TACC1: variants seen among roughly 807,000 people sequenced by gnomAD.
The protein encoded by TACC1 is transforming acidic coiled-coil containing protein 1.
TACC1 carries 48 observed loss-of-function variants against 84.4 expected under a neutral mutation model. The observed-to-expected ratio is 0.57, with a 90% CI of 0.45 to 0.72. The LOEUF is 0.72. Among genes scored for constraint, TACC1 ranks in the 30% least tolerant of loss-of-function variants. The probability of loss-of-function intolerance (pLI) is 0.00; values close to 1 mark genes in which losing one functional copy is unlikely to be tolerated. For synonymous variants in TACC1, 372 were observed against 376.3 expected (o/e 0.99, Z 0.13); for missense variants, 920 against 973.0 (o/e 0.95, Z 0.72).
chr8:38,780,981 T>A (rs1815830515), intron 3 of TACC1, among the ~76,000 whole-genome samples: 1 of 152,152 alleles, frequency 6.6e-6, no homozygotes, highest in African/African-American at 2.4e-5. Flanking sequence ...GTAATGAAAT[T>A]CCCCCAAATC....
intron 6 of TACC1, among the ~76,000 whole-genome samples, chr8:38,832,293 T>C (rs1829420740): frequency 6.6e-6 from 1 of 152,196 alleles, no homozygotes. Context: ...TAGAATACAC[T>C]GGTGTGGTGT....
intron 3 of TACC1, among the ~76,000 whole-genome samples, chr8:38,774,571 C>T (rs1814407537): frequency 6.6e-6 from 1 of 152,206 alleles, no homozygotes; most frequent in East Asian, 1.9e-4. Flanking sequence ...CAGCTCACTG[C>T]AACCTTGAAT....
At chr8:38,842,524 A>G in intron 10 of TACC1, 77 bp downstream of exon 10, 2 of 1,446,654 alleles carry the variant, frequency 1.4e-6, no homozygotes, top group Non-Finnish European at 1.9e-6. Context: ...TCAAATACAT[A>G]TGCCAGAGGT....
At chr8:38,802,884 G>T (rs1400847898) in intron 2 of TACC1, among the ~76,000 whole-genome samples, 1 of 152,108 alleles carries the variant, frequency 6.6e-6, no homozygotes, top group Non-Finnish European at 1.5e-5. Context: ...GTTCATGAGG[G>T]ATCCACCCCC....
At chr8:38,794,625 G>C (rs1819556266) in intron 2 of TACC1, among the ~76,000 whole-genome samples, 1 of 151,926 alleles carries the variant, frequency 6.6e-6, no homozygotes, top group Non-Finnish European at 1.5e-5. Context: ...AAAATCAGAG[G>C]CTTTGATTTT....
At position 38,819,621 on chromosome 8, in the gene TACC1, C is replaced by T; in HGVS notation, c.377C>T (p.Ala126Val). ...TCAGAAAATGAAGTGCCACAGCAGGCCATTGACTCTCACTCAGTCAAGAAT... is the reference window on the plus strand; with the variant it reads ...TCAGAAAATGAAGTGCCACAGCAGGTCATTGACTCTCACTCAGTCAAGAAT... Reference protein sequence around the residue: ...KPSENEVPQQAIDSHSVKNFR... With the variant: ...KPSENEVPQQVIDSHSVKNFR... Residue 126 changes from alanine to valine, a missense_variant, in exon 3 of 13, where the codon GCC becomes GTC. Ala to Val is a moderately conservative substitution (Grantham distance 64). Around this residue, in one of 2 missense-constraint regions of TACC1, gnomAD observed 762 missense variants for 747.3 expected, o/e 1.02. Transcript: ENST00000317827. 6.2e-7 allele frequency: 1 copy of T among 1,614,210 alleles called. No individual in the cohort carries two copies. The highest frequency in any genetic ancestry group is 1.1e-5 in the South Asian group (1 of 91,080).
intron 3 of TACC1, among the ~76,000 whole-genome samples, chr8:38,760,686 G>A (rs1390148462): frequency 6.6e-6 from 1 of 152,084 alleles, no homozygotes; most frequent in Non-Finnish European, 1.5e-5. Context: ...ACCATGCCCG[G>A]CTAGTTTTTA....
intron 2 of TACC1, among the ~76,000 whole-genome samples, chr8:38,791,068 C>G (rs1818532520): frequency 6.6e-6 from 1 of 152,144 alleles, no homozygotes; most frequent in Non-Finnish European, 1.5e-5. Flanking sequence ...TGTTAAGGAG[C>G]TGTTTGAAAG....
intron 1 of TACC1, among the ~76,000 whole-genome samples, chr8:38,738,559 C>G (rs1372787803): frequency 2.0e-5 from 3 of 152,074 alleles, no homozygotes; most frequent in Non-Finnish European, 4.4e-5. Flanking sequence ...TCTTGTTGCT[C>G]AAATTGTTCC....
chr8:38,787,298 C>T lies in TACC1; in HGVS notation c.-285C>T. ...GCAGCCGGGCGCCGCGGGCCGGGGG[C>T]CTGAGGAGGCCACAGGACGGGCGTC... On this transcript the variant is annotated 5_prime_UTR_variant, in exon 1 of 13. Coordinates refer to ENST00000317827, the MANE Select transcript of TACC1 (RefSeq NM_006283.3). 1.7e-6 allele frequency: 2 copies of T among 1,158,484 alleles called. No individual in the cohort carries two copies. Among genetic ancestry groups the T allele is most frequent in the Non-Finnish European group, 2.1e-6 (2 of 939,776 alleles). The allele number at this position is 1,158,484 out of a possible 1,614,324, so 71.8% of individuals were successfully genotyped here. A position where few individuals can be genotyped will look rare whatever the true frequency, so the allele number is the denominator to read the frequency against.
intron 3 of TACC1, among the ~76,000 whole-genome samples, chr8:38,768,597 C>A (rs1425797466): frequency 1.3e-5 from 2 of 152,138 alleles, no homozygotes; most frequent in African/African-American, 4.8e-5. Flanking sequence ...CGATTCCATA[C>A]CCCTGTATGA....
At chr8:38,833,923 C>G (rs1455342966) in intron 6 of TACC1, among the ~76,000 whole-genome samples, 1 of 152,150 alleles carries the variant, frequency 6.6e-6, no homozygotes, top group East Asian at 1.9e-4. Flanking sequence ...TGAATCAAGT[C>G]TCAACTTGAC....
At chr8:38,825,585 T>C (rs1411016683) in intron 4 of TACC1, among the ~76,000 whole-genome samples, 1 of 152,034 alleles carries the variant, frequency 6.6e-6, no homozygotes, top group Non-Finnish European at 1.5e-5. Flanking sequence ...TTGGTAAAAT[T>C]CCCACTTTAA....
At chr8:38,783,456 C>G (rs559268170), upstream of TACC1, among the ~76,000 whole-genome samples, 69 of 150,788 alleles carry the variant, frequency 4.6e-4, no homozygotes, top group Admixed American at 1.4e-3. Context: ...GAGTCTCACT[C>G]TGTTGCCCAG....
intron 1 of TACC1, among the ~76,000 whole-genome samples, chr8:38,736,199 C>G (rs987765231): frequency 6.6e-6 from 1 of 152,152 alleles, no homozygotes; most frequent in African/African-American, 2.4e-5. Context: ...GCATTTAAGG[C>G]CCACCCAGAT....
At chr8:38,780,676 C>A (rs148102370) in intron 3 of TACC1, among the ~76,000 whole-genome samples, 40 of 147,436 alleles carry the variant, frequency 2.7e-4, no homozygotes, top group Admixed American at 4.1e-4. Context: ...GTTTATTTTT[C>A]CAGATAAACT....
chr8:38,752,615 G>A (rs934200192), intron 3 of TACC1, among the ~76,000 whole-genome samples: 2 of 152,142 alleles, frequency 1.3e-5, no homozygotes, highest in Admixed American at 1.3e-4. Context: ...CTCCATCACA[G>A]GCCATGTGTC....
intron 2 of TACC1, among the ~76,000 whole-genome samples, chr8:38,818,350 A>C (rs1825900591): frequency 6.6e-6 from 1 of 152,228 alleles, no homozygotes; most frequent in African/African-American, 2.4e-5. Context: ...TAAAATCATG[A>C]GATATTATAA....
intron 7 of TACC1, among the ~76,000 whole-genome samples, chr8:38,837,189 C>T (rs185807638): frequency 5.0e-5 from 7 of 139,596 alleles, no homozygotes; most frequent in Admixed American, 3.0e-4. Context: ...CCAAGGCGGG[C>T]GGATCACCTG....
Sources: allele counts gnomAD v4.1 joint callset (sites outside exome capture counted in the v4.1 genomes callset), GRCh38; gene constraint gnomAD v4.1.1; regional missense constraint gnomAD v4.1.1; transcripts MANE v1.5; gene names NCBI Gene and HGNC (gene_info 2026-07-23, HGNC 2026-07-21).